Variants in POLN observed in about 807,000 individuals in gnomAD.
POLN encodes DNA polymerase nu, also known as DNA polymerase N.
POLN carries 108 observed loss-of-function variants against 113.5 expected under a neutral mutation model. The ratio of observed to expected loss-of-function variants is 0.95; its 90% CI spans 0.81 to 1.12. The LOEUF is 1.12. POLN is among the 50% of genes most tolerant of loss of function. The pLI, the probability that POLN is intolerant of heterozygous loss-of-function variation, is 0.00. For missense variants in POLN, 1,097 were observed against 1,077.1 expected, an observed-to-expected ratio of 1.02 and a Z score of -0.26; for synonymous variants, 386 against 391.5, an observed-to-expected ratio of 0.99 and a Z score of 0.17.
At chr4:2,228,402 G>A in intron 3 of POLN, 1 of 268,640 alleles carries the variant, frequency 3.7e-6, no homozygotes, top group Non-Finnish European at 7.2e-6. Context: ...CCACGCTGGA[G>A]ACCTCAGCTC....
At chr4:2,236,842 G>A (rs1577799160) in intron 2 of POLN, among the ~76,000 whole-genome samples, 3 of 151,208 alleles carry the variant, frequency 2.0e-5, no homozygotes, top group South Asian at 4.2e-4. Flanking sequence ...CAGCCTGGGC[G>A]ACAGAGTGAG....
chr4:2,142,468 G>A (rs1266232050), intron 16 of POLN, among the ~76,000 whole-genome samples: 1 of 152,178 alleles, frequency 6.6e-6, no homozygotes, highest in Non-Finnish European at 1.5e-5. Context: ...GTGTAAACAC[G>A]TTCCCTATCC....
chr4:2,154,410 A>C (rs1475201868), intron 16 of POLN, among the ~76,000 whole-genome samples: 1 of 152,124 alleles, frequency 6.6e-6, no homozygotes, highest in African/African-American at 2.4e-5. Context: ...AGGCAATTCA[A>C]AGAAGAATAA....
intron 16 of POLN, among the ~76,000 whole-genome samples, chr4:2,131,887 C>A (rs1308018137): frequency 6.6e-6 from 1 of 152,202 alleles, no homozygotes. Context: ...CTATTCAAAT[C>A]ATGAGAATTT....
rs528541491 is a variant in POLN, at chr4:2,072,121, C to A, written c.2696G>T (p.Cys899Phe). Residue 899 changes from cysteine (C) to phenylalanine (F), a missense_variant, in exon 26 of 26, where the codon TGT (cysteine) becomes TTT (phenylalanine). Physicochemically the swap from Cys to Phe is radical, Grantham distance 205. Coordinates refer to ENST00000511885, the MANE Select transcript of POLN (RefSeq NM_181808.4). ...PPPLHFSPSFCL is the reference protein window; with the variant it reads ...PPPLHFSPSFFL ...TCCCACTGTTGCCTGGGGCTACAGA[C>A]AAAATGAAGGCGAAAAATGCAGGGG... The A allele has an allele frequency of 6.2e-6, 10 of 1,605,560 alleles. No homozygotes were observed. In the East Asian group the frequency reaches 1.8e-4, roughly 29 times the overall value.
intron 20 of POLN, among the ~76,000 whole-genome samples, chr4:2,091,340 C>T (rs1355438997): frequency 2.0e-5 from 3 of 152,140 alleles, no homozygotes; most frequent in Non-Finnish European, 4.4e-5. Flanking sequence ...GGTCCCCAGG[C>T]ATAAAGAAAG....
intron 7 of POLN, among the ~76,000 whole-genome samples, chr4:2,180,575 C>T (rs1479123366): frequency 3.9e-5 from 6 of 152,158 alleles, no homozygotes; most frequent in Non-Finnish European, 7.3e-5. Flanking sequence ...ACATTTGGAG[C>T]TCTGGATAAG....
At chr4:2,182,127 C>T (rs1328204180) in intron 7 of POLN, among the ~76,000 whole-genome samples, 1 of 152,114 alleles carries the variant, frequency 6.6e-6, no homozygotes, top group Non-Finnish European at 1.5e-5. Flanking sequence ...TAAACCCATA[C>T]ATCAGTGGTT....
chr4:2,165,730 ACT>A (rs1293405013), intron 13 of POLN, among the ~76,000 whole-genome samples: 1 of 151,710 alleles, frequency 6.6e-6, no homozygotes, highest in African/African-American at 2.4e-5. Flanking sequence ...GAGTATGGGA[ACT>A]CTCTGTACTT....
At chr4:2,201,231 C>T (rs1733703004) in intron 5 of POLN, among the ~76,000 whole-genome samples, 1 of 119,486 alleles carries the variant, frequency 8.4e-6, no homozygotes, top group Non-Finnish European at 1.6e-5. Context: ...CATGCCACTG[C>T]ACTCCAGCCT....
chr4:2,169,538 C>T (rs113324196), intron 13 of POLN, among the ~76,000 whole-genome samples: 53 of 152,336 alleles, frequency 3.5e-4, no homozygotes, highest in African/African-American at 1.2e-3. Flanking sequence ...ACGTCTGGCA[C>T]GGTCCTAAGT....
chr4:2,083,731 C>T (rs1289137594), intron 21 of POLN, among the ~76,000 whole-genome samples: 2 of 152,232 alleles, frequency 1.3e-5, no homozygotes, highest in African/African-American at 4.8e-5. Flanking sequence ...AAGCAGGGGA[C>T]CACAGGAACA....
In POLN at chr4:2,127,116, A is replaced by T. The variant is rs1731599936; in HGVS notation, c.1982+997T>A. ...GAGGGTGAACAGGTGGCAGGAGATG[A>T]GCTGGGACGGAGGGTAGGGAGGGGT... On this transcript the variant is annotated intron_variant, in intron 19 of 25. Coordinates refer to ENST00000511885, the MANE Select transcript of POLN (RefSeq NM_181808.4). The surrounding 1 kb of genome is among the most constrained non-coding windows in gnomAD (Gnocchi z 4.7). Among the ~76,000 whole-genome samples, 2 of 126,342 alleles carry T rather than the reference A, an allele frequency of 1.6e-5. No homozygotes were observed. The highest frequency in any genetic ancestry group is 6.1e-5 in the African/African-American group (2 of 32,556). 82.9% of individuals were successfully genotyped at this position (126,342 alleles called of 152,430 possible).
intron 13 of POLN, among the ~76,000 whole-genome samples, chr4:2,162,902 T>C (rs1732633732): frequency 4.6e-5 from 7 of 152,122 alleles, no homozygotes; most frequent in Admixed American, 4.6e-4. Context: ...TATTGCCTTA[T>C]AAGTAGTCTT....
intron 11 of POLN, 112 bp from the exon 12 acceptor site, chr4:2,171,293 C>T (rs974768201): frequency 3.4e-6 from 3 of 893,574 alleles, no homozygotes; most frequent in Admixed American, 2.5e-5. Context: ...TGGCTTATGC[C>T]TGTGATACCA....
At chr4:2,192,274 T>C (rs1347527697) in intron 7 of POLN, among the ~76,000 whole-genome samples, 1 of 152,134 alleles carries the variant, frequency 6.6e-6, no homozygotes, top group Admixed American at 6.6e-5. Flanking sequence ...AATCATACAG[T>C]GAACACACAT....
At chr4:2,080,179 CGAGGA>C in intron 23 of POLN, 1 of 986,392 alleles carries the variant, frequency 1.0e-6, no homozygotes, top group Non-Finnish European at 1.2e-6. Context: ...ACAAGGAGAA[CGAGGA>C]GAGGAGGTGT....
At chr4:2,182,908 A>G (rs947307313) in intron 7 of POLN, among the ~76,000 whole-genome samples, 1 of 152,222 alleles carries the variant, frequency 6.6e-6, no homozygotes, top group Admixed American at 6.5e-5. Context: ...TGCAAATTGT[A>G]TATCTGACAA....
At chr4:2,081,947 CTTTTTTTTT>C (rs71167773) in intron 21 of POLN, among the ~76,000 whole-genome samples, 16 of 92,552 alleles carry the variant, frequency 1.7e-4, no homozygotes, top group African/African-American at 8.1e-4. Context: ...GCACTCTGCA[CTTTTTTTTT>C]TTTTTTTTTT....
Sources: allele counts gnomAD v4.1 joint callset (sites outside exome capture counted in the v4.1 genomes callset), GRCh38; gene constraint gnomAD v4.1.1; non-coding constraint Gnocchi (gnomAD v3.1); transcripts MANE v1.5; gene names NCBI Gene and HGNC (gene_info 2026-07-23, HGNC 2026-07-21).